PINK1: variants seen among roughly 807,000 people sequenced by gnomAD.
PINK1 encodes the protein PTEN induced kinase 1, also known as serine/threonine-protein kinase PINK1, mitochondrial.
PINK1 carries 58 observed loss-of-function variants against 56.0 expected under a neutral mutation model. The observed-to-expected ratio is 1.04, with a 90% CI of 0.84 to 1.29. The LOEUF is 1.29. Ranked by LOEUF, PINK1 falls within the 50% of genes most tolerant of loss-of-function variation. The pLI is 0.00. For missense variants in PINK1, 745 were observed against 777.9 expected (o/e 0.96, Z 0.50); for synonymous variants, 354 against 339.3 (o/e 1.04, Z -0.48).
rs751763774 is a variant in PINK1 at position 20,638,000 on chromosome 1, G to A, written c.546G>A (p.Leu182=). The A allele has an allele frequency of 1.4e-5, 22 of 1,614,054 alleles. No individual in the cohort carries two copies. The highest frequency in any genetic ancestry group is 1.6e-4 in the Middle Eastern group (1 of 6,084). Residue 182 remains leucine, a synonymous_variant, in exon 2 of 8, where the codon CTG becomes CTA. Coordinates refer to ENST00000321556, the MANE Select transcript of PINK1 (RefSeq NM_032409.3). The part of the protein sequence containing the change: ...EATMPTLPQN[L]EVTKSTGLLP... Reference sequence around the variant, plus strand: ...CCATGCCTACATTGCCCCAGAACCTGGAGGTGACAAAGAGCACCGGGTTGC... The same window carrying A: ...CCATGCCTACATTGCCCCAGAACCTAGAGGTGACAAAGAGCACCGGGTTGC...
chr1:20,633,473 A>C lies in PINK1; in HGVS notation c.-76A>C, dbSNP rs968098145. ...GCGCCTGCGCAGAGGCACCGCCCCA[A>C]GTTTGTTGTGACCGGCGGGGGACGC... On this transcript the variant is annotated 5_prime_UTR_variant, in exon 1 of 8. Coordinates refer to ENST00000321556, the MANE Select transcript of PINK1 (RefSeq NM_032409.3). 7 of 1,064,024 alleles carry C rather than the reference A, an allele frequency of 6.6e-6. No homozygotes were observed. Among genetic ancestry groups the C allele is most frequent in the East Asian group, 1.3e-4 (2 of 15,240 alleles). 65.9% of individuals were successfully genotyped at this position (1,064,024 alleles called of 1,614,324 possible). A position where few individuals can be genotyped will look rare whatever the true frequency, so the allele number is the denominator to read the frequency against.
intron 4 of PINK1, among the ~76,000 whole-genome samples, chr1:20,645,017 GTATTT>G (rs1172749854): frequency 6.6e-6 from 1 of 152,120 alleles, no homozygotes; most frequent in African/African-American, 2.4e-5. Context: ...GCTATAGTGG[GTATTT>G]TATTTTAAGG....
At position 20,650,558 on chromosome 1, in the gene PINK1, C is replaced by T. The variant is rs1259028085; in HGVS notation, c.1613C>T (p.Thr538Ile). 5 of 1,614,136 alleles carry T rather than the reference C, an allele frequency of 3.1e-6. No individual in the cohort carries two copies. The African/African-American group carries it at 6.7e-5, about 22-fold the overall frequency. The change falls in exon 8 of 8, where the codon ACT becomes ATT. Residue 538 changes from threonine to isoleucine, a missense_variant. Physicochemically the swap from Thr to Ile is moderately conservative, Grantham distance 89. Transcript: ENST00000321556. ...VGWLLQQSAA[T>I]LLANRLTEKC... ...TGGCTCCTCCAACAATCGGCCGCCA[C>T]TTTGTTGGCCAACAGGCTCACAGAG...
rs751445683 is a variant in PINK1 at position 20,633,773 on chromosome 1, C to G, written c.225C>G (p.Ala75=). The change falls in exon 1 of 8, where the codon GCC becomes GCG. Residue 75 remains alanine, a synonymous_variant. Transcript: ENST00000321556. ...TCCGCTTCTTCCGCCAGTCGGTGGC[C>G]GGGCTGGCGGCGCGGTTGCAGCGGC... is the stretch of plus-strand genomic sequence containing the variant. ...NRLRFFRQSV[A]GLAARLQRQF... 1 of 1,563,756 alleles carries G rather than the reference C, an allele frequency of 6.4e-7. No individual in the cohort carries two copies. The highest frequency in any genetic ancestry group is 8.6e-7 in the Non-Finnish European group (1 of 1,160,734).
In PINK1 at chr1:20,650,669, G is replaced by C. The variant is rs772238634; in HGVS notation, c.1724G>C (p.Cys575Ser). 13 of 1,613,822 alleles carry C rather than the reference G, an allele frequency of 8.1e-6. No individual in the cohort carries two copies. Among genetic ancestry groups the C allele is most frequent in the Non-Finnish European group, 1.1e-5 (13 of 1,180,036 alleles). The change falls in exon 8 of 8, where the codon TGC (cysteine) becomes TCC (serine). Residue 575 changes from cysteine to serine, a missense_variant. Physicochemically the swap from Cys to Ser is moderately radical, Grantham distance 112. Coordinates refer to ENST00000321556, the MANE Select transcript of PINK1 (RefSeq NM_032409.3). ...ETLCQAALLL[C>S]SWRAAL ...CTCTGCCAGGCAGCCCTCCTCCTCT[G>C]CTCATGGAGGGCAGCCCTGTGATGT...
At chr1:20,644,972 G>A (rs575119337) in intron 4 of PINK1, among the ~76,000 whole-genome samples, 13 of 152,302 alleles carry the variant, frequency 8.5e-5, no homozygotes, top group East Asian at 7.7e-4. Flanking sequence ...CATAAAAACC[G>A]TTCTCCTTCC....
At chr1:20,646,997 C>T (rs374618618) in intron 5 of PINK1, among the ~76,000 whole-genome samples, 30 of 151,112 alleles carry the variant, frequency 2.0e-4, no homozygotes, top group East Asian at 7.9e-4. Context: ...CTCGTGCCTC[C>T]GCCTCCTGAG....
intron 5 of PINK1, among the ~76,000 whole-genome samples, chr1:20,647,466 C>CTT (rs34054663): frequency 0.18 from 13,101 of 73,242 alleles, 2,250 homozygotes; most frequent in Non-Finnish European, 0.23. Flanking sequence ...TGGGAGTTGG[C>CTT]TTTTTTTTTT....
intron 2 of PINK1, chr1:20,639,585 G>C: frequency 2.3e-6 from 1 of 432,604 alleles, no homozygotes; most frequent in South Asian, 2.1e-5. Flanking sequence ...GTGGGGACCA[G>C]AGGCACCGAT....
intron 5 of PINK1, among the ~76,000 whole-genome samples, chr1:20,645,928 C>T (rs983794659): frequency 6.6e-6 from 1 of 152,016 alleles, no homozygotes; most frequent in Non-Finnish European, 1.5e-5. Context: ...TCCCAAGTTC[C>T]TTTCTCTAGC....
Position 20,633,848 on chromosome 1 carries a change from C to A in PINK1, c.300C>A (p.Val100=). 6.3e-7 allele frequency: 1 copy of A among 1,578,632 alleles called. No individual in the cohort carries two copies. The highest frequency in any genetic ancestry group is 2.3e-5 in the East Asian group (1 of 43,266). The change falls in exon 1 of 8, where the codon GTC becomes GTA. Residue 100 remains valine (V), a synonymous_variant. Transcript: ENST00000321556. ...WGCAGPCGRA[V]FLAFGLGLGL... is the part of the protein sequence containing the mutation. ...GCGCGGGCCCTTGCGGCCGGGCAGT[C>A]TTTCTGGCCTTCGGGCTAGGGCTGG...
intron 1 of PINK1, 55 bp from the exon 2 acceptor site, chr1:20,637,787 T>G: frequency 6.2e-7 from 1 of 1,603,252 alleles, no homozygotes; most frequent in Middle Eastern, 2.1e-4. Flanking sequence ...CTGTTTCCCT[T>G]TTCTTGGGCC....
Position 20,648,979 on chromosome 1 carries a change from C to T in PINK1, c.1252-16C>T. The stretch of plus-strand genomic sequence containing the variant: ...TGGGCGGGCAGCGTGATGTCTCACC[C>T]ACTGCTTCTGAGCAGGTGTCCACGG... On this transcript the variant is annotated splice_polypyrimidine_tract_variant and intron_variant, in intron 6 of 7. Transcript: ENST00000321556. 6.2e-7 allele frequency: 1 copy of T among 1,611,328 alleles called. No homozygotes were observed. Among genetic ancestry groups the T allele is most frequent in the Non-Finnish European group, 8.5e-7 (1 of 1,178,802 alleles).
At position 20,651,200 on chromosome 1, in the gene PINK1, C is replaced by T. The variant is rs574097463; in HGVS notation, c.*509C>T. The T allele has an allele frequency of 6.6e-5, 12 of 180,584 alleles. No homozygotes were observed. Among genetic ancestry groups the T allele is most frequent in the Non-Finnish European group, 2.4e-5 (2 of 83,514 alleles). The allele number at this position is 180,584 out of a possible 1,614,324, so 11.2% of individuals were successfully genotyped here. On this transcript the variant is annotated 3_prime_UTR_variant, in exon 8 of 8. Coordinates refer to ENST00000321556, the MANE Select transcript of PINK1 (RefSeq NM_032409.3). ...CTACTGAATTATTAATCTCACTTAGCGAAAGTGACGGATGAGCAGTAAGTA... is the reference window on the plus strand; with the variant it reads ...CTACTGAATTATTAATCTCACTTAGTGAAAGTGACGGATGAGCAGTAAGTA...
At chr1:20,638,605 G>A in intron 2 of PINK1, 2 of 236,178 alleles carry the variant, frequency 8.5e-6, no homozygotes, top group South Asian at 5.2e-5. Flanking sequence ...TTGTGGCACT[G>A]CACTCCAGCC....
chr1:20,633,745 G>A lies in PINK1; in HGVS notation c.197G>A (p.Arg66His). The A allele has an allele frequency of 6.5e-7, 1 of 1,542,032 alleles. No individual in the cohort carries two copies. Among genetic ancestry groups the A allele is most frequent in the Non-Finnish European group, 8.7e-7 (1 of 1,149,800 alleles). ...PRRVGLGLPN[R>H]LRFFRQSVAG... ...AGGGTCGGGCTCGGGCTCCCTAACC[G>A]TCTCCGCTTCTTCCGCCAGTCGGTG... The change falls in exon 1 of 8, where the codon CGT (arginine) becomes CAT (histidine). Residue 66 changes from arginine to histidine, a missense_variant. Coordinates refer to ENST00000321556, the MANE Select transcript of PINK1 (RefSeq NM_032409.3).
intron 5 of PINK1, among the ~76,000 whole-genome samples, chr1:20,648,106 G>A (rs2053209809): frequency 6.6e-6 from 1 of 152,108 alleles, no homozygotes; most frequent in Non-Finnish European, 1.5e-5. Flanking sequence ...ACCACACCCG[G>A]CAATAACTGA....
chr1:20,649,162 A>G lies in PINK1; in HGVS notation c.1419A>G (p.Ala473=), dbSNP rs544964252. 32 of 1,614,242 alleles carry G rather than the reference A, an allele frequency of 2.0e-5. 1 individual carries two copies. The African/African-American group carries it at 2.7e-4, about 13-fold the overall frequency. The change falls in exon 7 of 8, where the codon GCA becomes GCG. Residue 473 remains alanine, a synonymous_variant. Transcript: ENST00000321556. ...SRSYQEAQLP[A]LPESVPPDVR... is the part of the protein sequence containing the mutation. ...GCTACCAAGAGGCTCAGCTACCTGC[A>G]CTGCCCGAGTCAGTGCCTCCAGACG...
chr1:20,639,854 C>T (rs374218118), intron 2 of PINK1, 38 bp from the exon 3 acceptor site: 34 of 1,575,426 alleles, frequency 2.2e-5, no homozygotes, highest in Middle Eastern at 1.7e-4. Context: ...CATTCTGCTC[C>T]GGCCTGTGTA....
Sources: gnomAD v4.1 joint callset for allele counts (sites outside exome capture counted in the v4.1 genomes callset) on GRCh38, gnomAD v4.1.1 for gene constraint, MANE v1.5 for transcripts, NCBI Gene and HGNC (gene_info 2026-07-23, HGNC 2026-07-21) for gene names.